SYT1: variants seen among roughly 807,000 people sequenced by gnomAD.
SYT1 encodes the protein synaptotagmin-1.
Under a neutral mutation model 44.8 loss-of-function variants are expected in SYT1, and 8 were observed. The ratio of observed to expected loss-of-function variants is 0.18; its 90% confidence interval spans 0.10 to 0.32. The LOEUF (loss-of-function observed/expected upper bound fraction) is 0.32, where lower values mean the gene tolerates loss of function less well. Among genes scored for constraint, SYT1 ranks in the 10% least tolerant of loss-of-function variants. The pLI is 1.00. For missense variants in SYT1, 286 were observed against 509.3 expected (o/e 0.56, Z 4.22); for synonymous variants, 154 against 188.8 (o/e 0.82, Z 1.51).
chr12:78,893,054 A>G (rs1224842877), intron 1 of SYT1, among the ~76,000 whole-genome samples: 8 of 151,842 alleles, frequency 5.3e-5, no homozygotes, highest in Admixed American at 4.6e-4. Flanking sequence ...ACCAATCTCC[A>G]CTAGGATTGT....
At chr12:79,180,671 A>T (rs12810374) in intron 3 of SYT1, among the ~76,000 whole-genome samples, 107,629 of 151,172 alleles carry the variant, frequency 0.71, 38,875 homozygotes, top group African/African-American at 0.8. Flanking sequence ...GGTGCCACAC[A>T]CTTTTAAATG....
At chr12:79,005,665 A>G (rs192250672) in intron 2 of SYT1, among the ~76,000 whole-genome samples, 171 of 152,264 alleles carry the variant, frequency 1.1e-3, no homozygotes, top group South Asian at 2.7e-3. Context: ...CACGGCCCCT[A>G]CATAGACATG....
chr12:79,005,334 C>G (rs1481683538), intron 2 of SYT1, among the ~76,000 whole-genome samples: 1 of 151,708 alleles, frequency 6.6e-6, no homozygotes, highest in Non-Finnish European at 1.5e-5. Flanking sequence ...AAGTATACCC[C>G]CCATGGATAT....
chr12:78,867,650 T>C (rs995708751), intron 1 of SYT1, among the ~76,000 whole-genome samples: 1 of 152,000 alleles, frequency 6.6e-6, no homozygotes, highest in Non-Finnish European at 1.5e-5. Context: ...ACTGCTAATA[T>C]ATAGGGAAAA....
intron 8 of SYT1, among the ~76,000 whole-genome samples, chr12:79,339,992 G>A (rs1298509065): frequency 1.3e-5 from 2 of 152,104 alleles, no homozygotes; most frequent in Non-Finnish European, 2.9e-5. Context: ...GATGTGTGGT[G>A]TTATTTCTGA....
At chr12:79,347,280 C>G (rs989899012) in intron 8 of SYT1, among the ~76,000 whole-genome samples, 14 of 152,148 alleles carry the variant, frequency 9.2e-5, no homozygotes, top group African/African-American at 3.4e-4. Flanking sequence ...GCTTATAGCT[C>G]ATAACTGAGT....
intron 5 of SYT1, among the ~76,000 whole-genome samples, chr12:79,290,970 CTAAT>C (rs1471053814): frequency 4.6e-5 from 7 of 152,022 alleles, no homozygotes; most frequent in African/African-American, 1.7e-4. Flanking sequence ...GTATAGATTT[CTAAT>C]TAATTATTCT....
At chr12:79,427,750 C>T (rs1869533868) in intron 9 of SYT1, among the ~76,000 whole-genome samples, 1 of 152,096 alleles carries the variant, frequency 6.6e-6, no homozygotes, top group African/African-American at 2.4e-5. Flanking sequence ...AGGAGTGGAA[C>T]ACATTCAAAG....
chr12:79,008,715 T>C (rs1270573984), intron 2 of SYT1, among the ~76,000 whole-genome samples: 1 of 152,128 alleles, frequency 6.6e-6, no homozygotes, highest in Admixed American at 6.6e-5. Flanking sequence ...GTATGTTGGA[T>C]ACGTAAGGTG....
chr12:79,122,970 T>A (rs975824318), intron 3 of SYT1, among the ~76,000 whole-genome samples: 13 of 152,204 alleles, frequency 8.5e-5, no homozygotes, highest in African/African-American at 3.1e-4. Context: ...AAATGAAGAA[T>A]GATAATGAGA....
chr12:78,935,819 A>G (rs1277988752), intron 1 of SYT1, among the ~76,000 whole-genome samples: 1 of 152,116 alleles, frequency 6.6e-6, no homozygotes, highest in Non-Finnish European at 1.5e-5. Flanking sequence ...AAACATATAT[A>G]AAAACTAAAA....
intron 4 of SYT1, among the ~76,000 whole-genome samples, chr12:79,257,804 T>A (rs376530834): frequency 6.6e-6 from 1 of 152,194 alleles, no homozygotes. Context: ...AAGAAAAGCA[T>A]CTGACTATTA....
chr12:79,223,679 C>A (rs940391777), intron 4 of SYT1, among the ~76,000 whole-genome samples: 3 of 152,176 alleles, frequency 2.0e-5, no homozygotes, highest in Non-Finnish European at 2.9e-5. Flanking sequence ...AAGCCCAAGA[C>A]AACTGATACC....
At chr12:79,441,486 T>C (rs1051614190) in intron 9 of SYT1, among the ~76,000 whole-genome samples, 1 of 152,108 alleles carries the variant, frequency 6.6e-6, no homozygotes, top group African/African-American at 2.4e-5. Flanking sequence ...GGCTAATTTT[T>C]GTATTTTTGG....
chr12:79,432,101 A>G (rs1162214273), intron 9 of SYT1, among the ~76,000 whole-genome samples: 1 of 152,190 alleles, frequency 6.6e-6, no homozygotes. Flanking sequence ...ATTTAATAAT[A>G]AACCAACTAA....
intron 1 of SYT1, among the ~76,000 whole-genome samples, chr12:78,874,964 T>A (rs1873990937): frequency 6.6e-6 from 1 of 151,558 alleles, no homozygotes; most frequent in Admixed American, 6.6e-5. Flanking sequence ...ATTGCAAAGA[T>A]AAGAAGAAAG....
intron 3 of SYT1, among the ~76,000 whole-genome samples, chr12:79,130,364 A>G (rs1401641734): frequency 1.3e-5 from 2 of 152,134 alleles, no homozygotes; most frequent in Non-Finnish European, 2.9e-5. Context: ...TCTTAATATC[A>G]TTTGCCATCC....
intron 1 of SYT1, among the ~76,000 whole-genome samples, chr12:78,961,435 C>CAATT (rs1879498591): frequency 6.6e-6 from 1 of 152,006 alleles, no homozygotes. Context: ...TAGTTCTTAC[C>CAATT]CTCTTAAATT....
intron 5 of SYT1, 69 bp downstream of exon 5, chr12:79,286,040 C>A: frequency 6.7e-7 from 1 of 1,485,050 alleles, no homozygotes; most frequent in Non-Finnish European, 9.0e-7. Flanking sequence ...TATTTTATGC[C>A]ATATAATTAC....
Sources: gnomAD v4.1 joint callset for allele counts (sites outside exome capture counted in the v4.1 genomes callset) on GRCh38, gnomAD v4.1.1 for gene constraint, MANE v1.5 for transcripts, NCBI Gene and HGNC (gene_info 2026-07-23, HGNC 2026-07-21) for gene names.